TAF2: variants seen among roughly 807,000 people sequenced by gnomAD.
The protein encoded by TAF2 is transcription initiation factor TFIID subunit 2.
Under a neutral mutation model 138.5 loss-of-function variants are expected in TAF2, and 61 were observed. The ratio of observed to expected loss-of-function variants is 0.44; its 90% CI spans 0.36 to 0.54. The LOEUF is 0.54. Ranked by LOEUF, TAF2 falls within the 20% of genes least tolerant of loss-of-function variation. The pLI is 0.00. For synonymous variants in TAF2, 475 were observed against 469.9 expected, an observed-to-expected ratio of 1.01 and a Z score of -0.14; for missense variants, 1,090 against 1,427.9, an observed-to-expected ratio of 0.76 and a Z score of 3.81.
intron 25 of TAF2, 128 bp from the exon 26 acceptor site, chr8:119,732,314 G>A: frequency 1.2e-6 from 1 of 822,484 alleles, no homozygotes; most frequent in Admixed American, 2.1e-5. Context: ...TCAGGAATGG[G>A]AGAAGTATCT....
chr8:119,797,804 G>A lies in TAF2; in HGVS notation c.835C>T (p.His279Tyr). 2 of 1,613,576 alleles carry A rather than the reference G, an allele frequency of 1.2e-6. No individual in the cohort carries two copies. Among genetic ancestry groups the A allele is most frequent in the Non-Finnish European group, 1.7e-6 (2 of 1,179,692 alleles). ...ACTTCATGAAGGTATGATGTGGTAT[G>A]TTTCAGCAATGGAAGAAGTTGGGGC... ...CLPQLLPLLK[H>Y]TTSYLHEVFE... The change falls in exon 7 of 26, where the codon CAT becomes TAT. Residue 279 changes from histidine (H) to tyrosine (Y), a missense_variant. By Grantham distance (83) the His-to-Tyr change is moderately conservative (BLOSUM62 2). Transcript: ENST00000378164.
chr8:119,804,506 G>C (rs1277832111), intron 4 of TAF2, among the ~76,000 whole-genome samples: 1 of 152,146 alleles, frequency 6.6e-6, no homozygotes, highest in Non-Finnish European at 1.5e-5. Context: ...TGCTGTTCTT[G>C]TGATAGTGAA....
chr8:119,814,823 C>T (rs900499424), intron 3 of TAF2, among the ~76,000 whole-genome samples: 3 of 148,858 alleles, frequency 2.0e-5, no homozygotes, highest in Non-Finnish European at 4.4e-5. Context: ...ACAGGAGAAT[C>T]GCTTGAACCC....
At position 119,778,147 on chromosome 8, in the gene TAF2, G is replaced by T. The variant is rs753245590; in HGVS notation, c.2254-18C>A. The T allele has an allele frequency of 3.7e-6, 5 of 1,344,770 alleles. No individual in the cohort carries two copies. Among genetic ancestry groups the T allele is most frequent in the Non-Finnish European group, 4.2e-6 (4 of 951,154 alleles). The allele number at this position is 1,344,770 out of a possible 1,614,324, so 83.3% of individuals were successfully genotyped here. A position where few individuals can be genotyped will look rare whatever the true frequency, so the allele number is the denominator to read the frequency against. ...GGCATAGTCTACAAAAGAAAAAAAA[G>T]AACTTTTAAAAGCACAGAACCTAAC... On this transcript the variant is annotated intron_variant, in intron 17 of 25. Transcript: ENST00000378164.
intron 25 of TAF2, among the ~76,000 whole-genome samples, chr8:119,736,620 T>C (rs901647640): frequency 3.9e-5 from 6 of 152,202 alleles, no homozygotes; most frequent in African/African-American, 9.7e-5. Context: ...CACTGGGTAA[T>C]AGTAAATGAA....
At chr8:119,788,201 A>G (rs1823161265) in intron 14 of TAF2, 137 bp downstream of exon 14, 1 of 717,822 alleles carries the variant, frequency 1.4e-6, no homozygotes, top group Non-Finnish European at 2.4e-6. Flanking sequence ...ACAAACCTGC[A>G]TGTTCTGCAC....
At chr8:119,822,291 G>A (rs939777999) in intron 2 of TAF2, among the ~76,000 whole-genome samples, 1 of 150,976 alleles carries the variant, frequency 6.6e-6, no homozygotes. Flanking sequence ...TAGCAATCAT[G>A]GCATACTGCA....
At chr8:119,742,925 C>T (rs968336162) in intron 24 of TAF2, among the ~76,000 whole-genome samples, 1 of 151,726 alleles carries the variant, frequency 6.6e-6, no homozygotes, top group Admixed American at 6.6e-5. Flanking sequence ...AAAAATTAGC[C>T]GGGCATGGTG....
chr8:119,733,351 A>G (rs1275134438), intron 25 of TAF2, among the ~76,000 whole-genome samples: 1 of 152,132 alleles, frequency 6.6e-6, no homozygotes, highest in East Asian at 1.9e-4. Context: ...TAAAGGGAAC[A>G]TCTGTCTCTC....
At chr8:119,788,230 A>T in intron 14 of TAF2, 108 bp downstream of exon 14, 1 of 916,252 alleles carries the variant, frequency 1.1e-6, no homozygotes, top group Admixed American at 1.9e-5. Flanking sequence ...CACAACTTAA[A>T]GTATAATTTA....
At chr8:119,758,686 C>T (rs1164586000) in intron 20 of TAF2, among the ~76,000 whole-genome samples, 1 of 152,110 alleles carries the variant, frequency 6.6e-6, no homozygotes, top group East Asian at 1.9e-4. Context: ...CTAGCTATTT[C>T]CATTCACCTT....
intron 1 of TAF2, 97 bp from the exon 2 acceptor site, chr8:119,831,828 T>C: frequency 1.2e-6 from 1 of 819,226 alleles, no homozygotes; most frequent in Non-Finnish European, 1.8e-6. Context: ...GACTATGTTC[T>C]AAGTAATTCA....
intron 12 of TAF2, among the ~76,000 whole-genome samples, 178 bp from the exon 13 acceptor site, chr8:119,789,082 C>T (rs181714046): frequency 2.6e-5 from 4 of 152,242 alleles, no homozygotes; most frequent in Admixed American, 2.6e-4. Flanking sequence ...AATGCTTTCC[C>T]AGATTTAAAT....
chr8:119,818,948 T>C (rs989006306), intron 3 of TAF2, among the ~76,000 whole-genome samples: 5 of 152,330 alleles, frequency 3.3e-5, no homozygotes, highest in African/African-American at 4.8e-5. Flanking sequence ...TTTCATTATC[T>C]ACTTTCTAAA....
At position 119,769,249 on chromosome 8, in the gene TAF2, T is replaced by C. The variant is rs1821658980; in HGVS notation, c.2365-6641A>G. ...ACAGAAATACACAGGGCTATAGAAG[T>C]ACAGCCAAAAAAATACCCTACCCAA... On this transcript the variant is annotated intron_variant, in intron 18 of 25. Transcript: ENST00000378164. 2.0e-5 allele frequency among the ~76,000 whole-genome samples: 3 copies of C among 151,964 alleles called. No individual in the cohort carries two copies. In the South Asian group the frequency reaches 6.2e-4, roughly 32 times the overall value.
chr8:119,788,721 T>C (rs1339553492), intron 13 of TAF2, 69 bp downstream of exon 13: 28 of 1,087,484 alleles, frequency 2.6e-5, no homozygotes, highest in Non-Finnish European at 1.1e-5. Flanking sequence ...TAGTAACCCA[T>C]CCCTAAGTCC....
chr8:119,822,348 A>G (rs1479359889), intron 2 of TAF2, among the ~76,000 whole-genome samples: 2 of 151,850 alleles, frequency 1.3e-5, no homozygotes, highest in African/African-American at 4.8e-5. Flanking sequence ...CAGCCTCCAG[A>G]GTAGCTGGGG....
intron 18 of TAF2, among the ~76,000 whole-genome samples, chr8:119,768,087 T>C (rs1821567626): frequency 6.6e-6 from 1 of 152,166 alleles, no homozygotes; most frequent in African/African-American, 2.4e-5. Context: ...GGAGTCCGCC[T>C]TCCTCAGCGA....
intron 2 of TAF2, among the ~76,000 whole-genome samples, chr8:119,830,560 G>A (rs1206099544): frequency 6.6e-6 from 1 of 152,132 alleles, no homozygotes; most frequent in Non-Finnish European, 1.5e-5. Context: ...ACCTAGGGAA[G>A]ACTGCATGAG....
Sources: gnomAD v4.1 joint callset for allele counts (sites outside exome capture counted in the v4.1 genomes callset) on GRCh38, gnomAD v4.1.1 for gene constraint, MANE v1.5 for transcripts, NCBI Gene and HGNC (gene_info 2026-07-23, HGNC 2026-07-21) for gene names.